GPHN: variants seen among roughly 807,000 people sequenced by gnomAD.
The protein encoded by GPHN is gephyrin.
GPHN carries 17 observed loss-of-function variants against 95.5 expected under a neutral mutation model. That is an observed-to-expected ratio of 0.18 (90% CI 0.12 to 0.27). The LOEUF is 0.27. Among genes scored for constraint, GPHN ranks in the 10% least tolerant of loss-of-function variants. The probability of loss-of-function intolerance (pLI) is 1.00; values close to 1 mark genes in which losing one functional copy is unlikely to be tolerated. For missense variants in GPHN, 660 were observed against 978.1 expected, an observed-to-expected ratio of 0.67 and a Z score of 4.34; for synonymous variants, 320 against 322.5, an observed-to-expected ratio of 0.99 and a Z score of 0.08.
At chr14:66,617,411 A>G (rs909281971) in intron 1 of GPHN, among the ~76,000 whole-genome samples, 2 of 131,626 alleles carry the variant, frequency 1.5e-5, no homozygotes, top group East Asian at 2.5e-4. Context: ...CGGTTTCCCC[A>G]GCTGGGTGGA....
the GPHN span, chr14:67,646,347 G>A: frequency 2.7e-6 from 1 of 367,254 alleles, no homozygotes; most frequent in South Asian, 4.5e-5. Context: ...TGTGCAATGG[G>A]ATAGAAAAGG....
intron 2 of GPHN, among the ~76,000 whole-genome samples, chr14:66,730,924 A>C (rs2071708704): frequency 6.6e-6 from 1 of 152,166 alleles, no homozygotes; most frequent in Admixed American, 6.6e-5. Context: ...TGTAATCTTC[A>C]TGTGTCAAGG....
At chr14:67,434,221 G>A in the GPHN span, among the ~76,000 whole-genome samples, 1 of 152,168 alleles carries the variant, frequency 6.6e-6, no homozygotes, top group African/African-American at 2.4e-5. Flanking sequence ...TGCAATTTCA[G>A]TGAATTTTAT....
chr14:67,533,395 G>C, the GPHN span: 1 of 151,680 alleles, frequency 6.6e-6, no homozygotes, highest in Non-Finnish European at 1.5e-5. Context: ...CGAGCTCGCT[G>C]GAGGTGAGCG....
In GPHN at chr14:67,076,080, G is replaced by A. The variant is rs2076481871; in HGVS notation, c.1145-12903G>A. Among the ~76,000 whole-genome samples the A allele has an allele frequency of 2.0e-5, 3 of 151,964 alleles. No individual in the cohort carries two copies. In the South Asian group the frequency reaches 6.2e-4, roughly 32 times the overall value. ...ATGAAGGAAAGAGTCAATCAGTATA[G>A]CAAACTTCATTATTGTCTTATTTTA... On this transcript the variant is annotated intron_variant, in intron 11 of 22. Transcript: ENST00000478722.
the GPHN span, chr14:67,198,856 G>T: frequency 2.2e-5 from 14 of 624,156 alleles, no homozygotes; most frequent in South Asian, 2.3e-4. Flanking sequence ...TTCAGACAAA[G>T]AAATGGTGAA....
the GPHN span, chr14:67,573,793 C>A: frequency 3.9e-5 from 62 of 1,599,134 alleles, no homozygotes; most frequent in Middle Eastern, 1.6e-4. This position sits in a 1 kb window ranked among gnomAD's most constrained non-coding sequence, Gnocchi z 4.8. Flanking sequence ...CCAATACTTT[C>A]TTTACAGAGT....
chr14:66,666,803 A>G (rs897243535), intron 1 of GPHN, among the ~76,000 whole-genome samples: 1 of 152,200 alleles, frequency 6.6e-6, no homozygotes, highest in Non-Finnish European at 1.5e-5. Context: ...AGGCAAAAGA[A>G]TGAAATAAAG....
intron 17 of GPHN, among the ~76,000 whole-genome samples, chr14:67,137,518 CT>C (rs1476538930): frequency 6.6e-6 from 1 of 152,080 alleles, no homozygotes; most frequent in Non-Finnish European, 1.5e-5. Context: ...AATCCCAGCA[CT>C]TTTGGAGGCT....
At chr14:67,394,511 C>T in the GPHN span, among the ~76,000 whole-genome samples, 1 of 152,180 alleles carries the variant, frequency 6.6e-6, no homozygotes, top group Middle Eastern at 3.2e-3. Flanking sequence ...TTTAAACCCA[C>T]CTGCCTACCC....
chr14:67,053,726 C>G (rs1177487225), intron 10 of GPHN, among the ~76,000 whole-genome samples: 1 of 152,188 alleles, frequency 6.6e-6, no homozygotes, highest in Non-Finnish European at 1.5e-5. Flanking sequence ...AAAATACTGA[C>G]AAACCGAATC....
chr14:66,779,480 G>T (rs1229607970), intron 3 of GPHN, among the ~76,000 whole-genome samples: 3 of 151,958 alleles, frequency 2.0e-5, no homozygotes, highest in African/African-American at 7.2e-5. Flanking sequence ...ATATAAATAA[G>T]CAACATTTAT....
intron 11 of GPHN, among the ~76,000 whole-genome samples, chr14:67,085,169 A>G (rs1252396192): frequency 6.6e-6 from 1 of 152,236 alleles, no homozygotes; most frequent in East Asian, 1.9e-4. Context: ...AATGGGGAGT[A>G]AATATTATTG....
chr14:66,863,444 T>G (rs778465112), intron 4 of GPHN, among the ~76,000 whole-genome samples: 22 of 152,006 alleles, frequency 1.4e-4, no homozygotes, highest in Non-Finnish European at 2.9e-5. Flanking sequence ...ACCAATGACA[T>G]TCTTCACAGA....
intron 1 of GPHN, among the ~76,000 whole-genome samples, chr14:66,526,117 G>A (rs2058681387): frequency 6.6e-6 from 1 of 151,914 alleles, no homozygotes; most frequent in African/African-American, 2.4e-5. Context: ...CTATCCATTA[G>A]CATGGAATGT....
At chr14:66,911,895 T>C (rs2065690523) in intron 5 of GPHN, among the ~76,000 whole-genome samples, 1 of 151,982 alleles carries the variant, frequency 6.6e-6, no homozygotes, top group South Asian at 2.1e-4. Context: ...CTATAACCTG[T>C]TCGCTTTTCT....
At chr14:67,190,175 AAAATGCTGGGATTAC>A in the GPHN span, among the ~76,000 whole-genome samples, 1 of 147,204 alleles carries the variant, frequency 6.8e-6, no homozygotes, top group Non-Finnish European at 1.5e-5. Flanking sequence ...TCAGCCTCCC[AAAATGCTGGGATTAC>A]AGGCGTGAGC....
the GPHN span, among the ~76,000 whole-genome samples, chr14:67,719,655 T>C: frequency 6.6e-6 from 1 of 151,932 alleles, no homozygotes; most frequent in Non-Finnish European, 1.5e-5. Flanking sequence ...TAGTTTTCCT[T>C]TTTGTAGAGA....
rs780241814 is a variant in GPHN, at chr14:67,181,507, T to C, written c.*570T>C. On this transcript the variant is annotated 3_prime_UTR_variant, in exon 23 of 23. Coordinates refer to ENST00000478722, the MANE Select transcript of GPHN (RefSeq NM_020806.5). ...CATCCAGGGAGGTTTCTCGCCCCAATAGCCTCACGGCACAGTACTCTTGGG... is the reference window on the plus strand; with the variant it reads ...CATCCAGGGAGGTTTCTCGCCCCAACAGCCTCACGGCACAGTACTCTTGGG... 25 of 515,688 alleles carry C rather than the reference T, an allele frequency of 4.8e-5. No individual in the cohort carries two copies. The highest frequency in any genetic ancestry group is 3.7e-4 in the South Asian group (24 of 64,876). 31.9% of individuals were successfully genotyped at this position (515,688 alleles called of 1,614,324 possible). A position where few individuals can be genotyped will look rare whatever the true frequency, so the allele number is the denominator to read the frequency against.
Sources: gnomAD v4.1 joint callset for allele counts (sites outside exome capture counted in the v4.1 genomes callset) on GRCh38, gnomAD v4.1.1 for gene constraint, Gnocchi (gnomAD v3.1) non-coding constraint, MANE v1.5 for transcripts, NCBI Gene and HGNC (gene_info 2026-07-23, HGNC 2026-07-21) for gene names.